Variants in DTNB observed in about 807,000 individuals in gnomAD.
The protein encoded by DTNB is dystrobrevin beta.
In DTNB, 63 loss-of-function variants were observed where a neutral mutation model predicts 90.7. The ratio of observed to expected loss-of-function variants is 0.69; its 90% CI spans 0.57 to 0.86. The LOEUF (loss-of-function observed/expected upper bound fraction) is 0.86. Among genes scored for constraint, DTNB ranks in the 40% least tolerant of loss-of-function variants. The pLI is 0.00. For synonymous variants in DTNB, 277 were observed against 286.7 expected (o/e 0.97, Z 0.34); for missense variants, 744 against 807.1 (o/e 0.92, Z 0.95).
intron 1 of DTNB, among the ~76,000 whole-genome samples, chr2:25,659,190 GGAAAAGGTAGT>G (rs1193023165): frequency 2.0e-5 from 3 of 152,116 alleles, no homozygotes; most frequent in Admixed American, 6.5e-5. Flanking sequence ...AGAGGGTGGG[GGAAAAGGTAGT>G]GATAAGGTAG....
intron 4 of DTNB, among the ~76,000 whole-genome samples, chr2:25,627,884 C>A (rs969287679): frequency 2.0e-5 from 3 of 151,902 alleles, no homozygotes; most frequent in African/African-American, 7.3e-5. Flanking sequence ...CTACAGGCGC[C>A]CACCACCACG....
At chr2:25,581,487 G>A (rs2061541381) in intron 6 of DTNB, among the ~76,000 whole-genome samples, 2 of 152,160 alleles carry the variant, frequency 1.3e-5, no homozygotes, top group Non-Finnish European at 2.9e-5. Flanking sequence ...CCATCACAAT[G>A]CTCCTGTTAT....
rs1251278540 is a variant in DTNB at position 25,607,332 on chromosome 2, AATTAT to A, written c.363-16_363-12del. On this transcript the variant is annotated splice_polypyrimidine_tract_variant and intron_variant, in intron 4 of 20. Transcript: ENST00000406818. ...TTGCCTCGGCCCTCACTGCAAAATA[AATTAT>A]ATTAGAAATAATTGCTATCTGAAAC... The A allele has an allele frequency of 6.3e-7, 1 of 1,580,618 alleles. No individual in the cohort carries two copies. Among genetic ancestry groups the A allele is most frequent in the South Asian group, 1.2e-5 (1 of 85,798 alleles).
intron 4 of DTNB, among the ~76,000 whole-genome samples, chr2:25,612,785 C>A (rs1436169744): frequency 6.6e-6 from 1 of 151,930 alleles, no homozygotes; most frequent in Non-Finnish European, 1.5e-5. Flanking sequence ...ATTTAAAAAC[C>A]TTTATGTCCA....
At chr2:25,660,645 C>A (rs893653540) in intron 1 of DTNB, among the ~76,000 whole-genome samples, 1 of 152,016 alleles carries the variant, frequency 6.6e-6, no homozygotes, top group South Asian at 2.1e-4. Flanking sequence ...CTAAGGTAAT[C>A]GTTTTCACTA....
intron 3 of DTNB, among the ~76,000 whole-genome samples, chr2:25,637,751 G>A (rs858656): frequency 0.031 from 4,735 of 152,214 alleles, 114 homozygotes; most frequent in African/African-American, 0.067. Flanking sequence ...ACACTTTTAC[G>A]CTGCTGGTGG....
At chr2:25,603,127 T>C (rs971997835) in intron 5 of DTNB, among the ~76,000 whole-genome samples, 1 of 152,226 alleles carries the variant, frequency 6.6e-6, no homozygotes, top group Admixed American at 6.5e-5. Context: ...AATAAATTTA[T>C]GAATCTTTTG....
At chr2:25,664,992 G>C (rs756320657) in intron 1 of DTNB, among the ~76,000 whole-genome samples, 2 of 152,232 alleles carry the variant, frequency 1.3e-5, no homozygotes, top group African/African-American at 4.8e-5. Context: ...TCTGAAGAGA[G>C]TGCAGCAAAA....
intron 6 of DTNB, among the ~76,000 whole-genome samples, chr2:25,583,582 C>A (rs1406445751): frequency 6.6e-6 from 1 of 151,402 alleles, no homozygotes; most frequent in Admixed American, 6.6e-5. Flanking sequence ...AGTGCAGTGG[C>A]GCAACCTTGG....
At chr2:25,563,788 T>C (rs1309637998) in intron 8 of DTNB, among the ~76,000 whole-genome samples, 1 of 152,258 alleles carries the variant, frequency 6.6e-6, no homozygotes, top group African/African-American at 2.4e-5. Flanking sequence ...TTCTGGAGTC[T>C]CAATTCTATC....
At chr2:25,667,818 G>A (rs893145454) in intron 1 of DTNB, among the ~76,000 whole-genome samples, 2 of 152,118 alleles carry the variant, frequency 1.3e-5, no homozygotes, top group South Asian at 2.1e-4. Flanking sequence ...ACCTGCACAC[G>A]GATGTTTATA....
chr2:25,555,313 AAAG>A (rs2057133111), intron 8 of DTNB, among the ~76,000 whole-genome samples: 1 of 151,794 alleles, frequency 6.6e-6, no homozygotes. Context: ...AAAAAAACAA[AAAG>A]GTCTGAAGCA....
intron 2 of DTNB, among the ~76,000 whole-genome samples, chr2:25,652,213 C>T (rs2081083164): frequency 6.6e-6 from 1 of 152,116 alleles, no homozygotes; most frequent in South Asian, 2.1e-4. Flanking sequence ...AACACTGAGT[C>T]CTCTCTGTCT....
At chr2:25,435,574 A>G (rs144120483) in intron 12 of DTNB, among the ~76,000 whole-genome samples, 1 of 152,342 alleles carries the variant, frequency 6.6e-6, no homozygotes. Flanking sequence ...TCAGTACTTC[A>G]TTCCCTTTTA....
chr2:25,389,050 G>A (rs772895462), intron 16 of DTNB, among the ~76,000 whole-genome samples: 8 of 152,120 alleles, frequency 5.3e-5, no homozygotes, highest in Admixed American at 1.3e-4. Context: ...GTTTCAACAC[G>A]TTGTCCAGGT....
chr2:25,453,659 C>T (rs929106882), intron 11 of DTNB, among the ~76,000 whole-genome samples: 1 of 152,148 alleles, frequency 6.6e-6, no homozygotes, highest in African/African-American at 2.4e-5. Context: ...TGGACAATTG[C>T]CTTTAGTGAT....
intron 9 of DTNB, among the ~76,000 whole-genome samples, chr2:25,509,542 T>C (rs970407398): frequency 5.9e-5 from 9 of 152,174 alleles, no homozygotes; most frequent in African/African-American, 1.9e-4. Context: ...TATACAATTT[T>C]AGGATTATTA....
At chr2:25,568,727 C>A (rs2059399215) in intron 8 of DTNB, among the ~76,000 whole-genome samples, 1 of 152,204 alleles carries the variant, frequency 6.6e-6, no homozygotes, top group Non-Finnish European at 1.5e-5. Flanking sequence ...CAAACAGATA[C>A]TGGGTAGAAG....
At chr2:25,538,634 T>G (rs995280282) in intron 8 of DTNB, among the ~76,000 whole-genome samples, 12 of 152,078 alleles carry the variant, frequency 7.9e-5, no homozygotes, top group Non-Finnish European at 1.6e-4. Context: ...GTATTTTTAG[T>G]AGAGACGGGG....
Sources: gnomAD v4.1 joint callset for allele counts (sites outside exome capture counted in the v4.1 genomes callset) on GRCh38, gnomAD v4.1.1 for gene constraint, MANE v1.5 for transcripts, NCBI Gene and HGNC (gene_info 2026-07-23, HGNC 2026-07-21) for gene names.